The following QRFPR variants were observed in gnomAD, a reference collection of about 807,000 sequenced individuals.
QRFPR encodes the protein pyroglutamylated RFamide peptide receptor, also known as pyroglutamylated RF-amide peptide receptor.
Under a neutral mutation model 31.3 loss-of-function variants are expected in QRFPR, and 37 were observed. That is an observed-to-expected ratio of 1.18 (90% CI 0.91 to 1.56). The LOEUF (loss-of-function observed/expected upper bound fraction) is 1.56. Among genes scored for constraint, QRFPR ranks in the 40% most tolerant of loss-of-function variants. QRFPR has a pLI of 0.00. For synonymous variants in QRFPR, 197 were observed against 192.0 expected, an observed-to-expected ratio of 1.03 and a Z score of -0.22; for missense variants, 542 against 532.5, an observed-to-expected ratio of 1.02 and a Z score of -0.18.
intron 3 of QRFPR, among the ~76,000 whole-genome samples, chr4:121,336,307 G>T (rs576078637): frequency 6.6e-6 from 1 of 152,322 alleles, no homozygotes; most frequent in South Asian, 2.1e-4. Context: ...TGACAAAGGT[G>T]TGGGGAAAGG....
intron 1 of QRFPR, among the ~76,000 whole-genome samples, chr4:121,359,657 GTATA>G (rs368381339): frequency 2.7e-5 from 4 of 150,500 alleles, no homozygotes; most frequent in Admixed American, 6.6e-5. Flanking sequence ...ATATATATGT[GTATA>G]TATATATATG....
chr4:121,340,199 A>C, intron 2 of QRFPR: 1 of 423,720 alleles, frequency 2.4e-6, no homozygotes. Context: ...GATTAGCTGA[A>C]CATAGTGCTT....
At chr4:121,373,739 C>T (rs74357837) in intron 1 of QRFPR, among the ~76,000 whole-genome samples, 1,590 of 152,294 alleles carry the variant, frequency 0.01, 97 homozygotes, top group Admixed American at 0.096. Flanking sequence ...AATTGGCCCT[C>T]AAAATTAAGA....
chr4:121,372,315 T>G (rs934027266), intron 1 of QRFPR, among the ~76,000 whole-genome samples: 1 of 152,190 alleles, frequency 6.6e-6, no homozygotes, highest in Non-Finnish European at 1.5e-5. Context: ...AAGGCCAAAC[T>G]GGCTAGAATC....
intron 1 of QRFPR, among the ~76,000 whole-genome samples, chr4:121,344,972 T>C (rs940943191): frequency 1.3e-5 from 2 of 152,242 alleles, no homozygotes; most frequent in African/African-American, 4.8e-5. Flanking sequence ...GGGATATCCT[T>C]CTCTTTTTTC....
intron 2 of QRFPR, 40 bp from the exon 3 acceptor site, chr4:121,336,908 A>G (rs4490481): frequency 0.47 from 736,719 of 1,553,840 alleles, 179,304 homozygotes; most frequent in East Asian, 0.72. Context: ...GACTCAGTTG[A>G]GTAAAACACA....
chr4:121,353,593 CT>C (rs1725804670), intron 1 of QRFPR, among the ~76,000 whole-genome samples: 1 of 151,946 alleles, frequency 6.6e-6, no homozygotes, highest in Admixed American at 6.6e-5. Context: ...GTTTGAGCTC[CT>C]TCTATATTCT....
chr4:121,354,356 A>ATT (rs71599123), intron 1 of QRFPR, among the ~76,000 whole-genome samples: 5 of 151,696 alleles, frequency 3.3e-5, no homozygotes, highest in Admixed American at 3.3e-4. Flanking sequence ...CATATTTTCC[A>ATT]TTTTTTTATG....
rs529808707 is a variant in QRFPR, at chr4:121,334,349, ACACTTCTCTAAAATTC to A, written c.562-1309_562-1294del. ...TTTCAGATCTTCTATTTCCAAACATACACTTCTCTAAAATTCCACTGCCTAATATCGTCCCCAAGTT... is the reference window on the plus strand; with the variant it reads ...TTTCAGATCTTCTATTTCCAAACATACACTGCCTAATATCGTCCCCAAGTT... On this transcript the variant is annotated intron_variant, in intron 3 of 5. Transcript: ENST00000394427. 2.1e-4 allele frequency: 32 copies of A among 154,920 alleles called. No individual in the cohort carries two copies. The South Asian group carries it at 6.2e-3, about 30-fold the overall frequency. The allele number at this position is 154,920 out of a possible 1,614,324, so 9.6% of individuals were successfully genotyped here.
chr4:121,361,793 C>T (rs1017775705), intron 1 of QRFPR, among the ~76,000 whole-genome samples: 1 of 149,894 alleles, frequency 6.7e-6, no homozygotes, highest in Non-Finnish European at 1.5e-5. Context: ...GTAACTAGGC[C>T]GCAAGTTTGT....
intron 1 of QRFPR, among the ~76,000 whole-genome samples, chr4:121,363,356 AC>A (rs1193582527): frequency 3.3e-5 from 5 of 149,808 alleles, no homozygotes; most frequent in Admixed American, 2.0e-4. Flanking sequence ...GAAAGAAGGA[AC>A]CAAAACTATA....
At chr4:121,336,257 C>G (rs1725434639) in intron 3 of QRFPR, among the ~76,000 whole-genome samples, 1 of 152,130 alleles carries the variant, frequency 6.6e-6, no homozygotes, top group Non-Finnish European at 1.5e-5. Flanking sequence ...CAACTCAGCA[C>G]TCTCCTTCCT....
At chr4:121,353,711 G>T (rs1403584069) in intron 1 of QRFPR, among the ~76,000 whole-genome samples, 1 of 151,898 alleles carries the variant, frequency 6.6e-6, no homozygotes, top group Non-Finnish European at 1.5e-5. Flanking sequence ...AAGCTTTTTA[G>T]CTTGATGTGA....
intron 1 of QRFPR, among the ~76,000 whole-genome samples, chr4:121,342,116 T>G (rs374406397): frequency 6.6e-6 from 1 of 152,310 alleles, no homozygotes; most frequent in South Asian, 2.1e-4. Context: ...CAGCGTCCAA[T>G]CCACTGAAGG....
chr4:121,360,351 G>C (rs1246029896), intron 1 of QRFPR, among the ~76,000 whole-genome samples: 1 of 152,072 alleles, frequency 6.6e-6, no homozygotes, highest in African/African-American at 2.4e-5. Context: ...TTTTCATTTA[G>C]TTGTGTTCCT....
chr4:121,371,814 G>A (rs10017459), intron 1 of QRFPR, among the ~76,000 whole-genome samples: 1 of 152,142 alleles, frequency 6.6e-6, no homozygotes, highest in East Asian at 1.9e-4. Context: ...TGGCTAACAG[G>A]GTCCCAAGTG....
intron 1 of QRFPR, among the ~76,000 whole-genome samples, chr4:121,350,154 A>G (rs1725736148): frequency 6.6e-6 from 1 of 152,178 alleles, no homozygotes; most frequent in African/African-American, 2.4e-5. Flanking sequence ...TTGGGTAGGG[A>G]CTTGTAAATG....
At chr4:121,368,113 T>C (rs1579588992) in intron 1 of QRFPR, among the ~76,000 whole-genome samples, 2 of 149,666 alleles carry the variant, frequency 1.3e-5, no homozygotes, top group African/African-American at 4.9e-5. Context: ...AAAAGTGGTT[T>C]CCCTATTTCC....
intron 1 of QRFPR, among the ~76,000 whole-genome samples, chr4:121,356,032 C>T (rs902386290): frequency 1.3e-5 from 2 of 152,034 alleles, no homozygotes; most frequent in Admixed American, 1.3e-4. Context: ...TGTGTAGCTG[C>T]AGCTGTTGAA....
Sources: allele counts gnomAD v4.1 joint callset (sites outside exome capture counted in the v4.1 genomes callset), GRCh38; gene constraint gnomAD v4.1.1; transcripts MANE v1.5; gene names NCBI Gene and HGNC (gene_info 2026-07-23, HGNC 2026-07-21).